The following FKBP8 variants were observed in gnomAD, a reference collection of about 807,000 sequenced individuals.
FKBP8 encodes the protein FKBP prolyl isomerase 8.
A neutral mutation model predicts 41.7 loss-of-function variants in FKBP8; 5 were observed. That is an observed-to-expected ratio of 0.12 (90% CI 0.06 to 0.25). The LOEUF (loss-of-function observed/expected upper bound fraction) is 0.25. FKBP8 is among the 10% of genes least tolerant of loss of function. The pLI, the probability that FKBP8 is intolerant of heterozygous loss-of-function variation, is 1.00. For missense variants in FKBP8, 397 were observed against 563.0 expected (o/e 0.71, Z 2.98); for synonymous variants, 279 against 254.5 (o/e 1.10, Z -0.92).
rs747732117 is a variant in FKBP8, at chr19:18,539,430, G to A, written c.492C>T (p.Asp164=). 5.0e-6 allele frequency: 8 copies of A among 1,613,660 alleles called. No individual in the cohort carries two copies. The African/African-American group carries it at 6.7e-5, about 13-fold the overall frequency. The change falls in exon 4 of 9, where the codon GAC becomes GAT. Residue 164 remains aspartate (D), a synonymous_variant. Coordinates refer to ENST00000608443, the MANE Select transcript of FKBP8 (RefSeq NM_012181.5). ...CAGTGACCATGGCCGTCTCCCCCAC[G>A]TCCATGAGTGGGACACTGAGATCCA... is the stretch of plus-strand genomic sequence containing the variant. ...QALDLSVPLM[D]VGETAMVTAD...
intron 6 of FKBP8, among the ~76,000 whole-genome samples, 173 bp from the exon 7 acceptor site, chr19:18,533,520 A>G (rs1375877330): frequency 6.6e-6 from 1 of 152,148 alleles, no homozygotes; most frequent in Non-Finnish European, 1.5e-5. Flanking sequence ...CCTGGCCAAC[A>G]TGGAGAAACC....
chr19:18,538,179 G>C lies in FKBP8; in HGVS notation c.772+37C>G. ...TTTCTGGCACGGAGTGGACACCTTT[G>C]CAGGGGAGATGGTGGAGATCTGACC... On this transcript the variant is annotated intron_variant, in intron 5 of 8. Coordinates refer to ENST00000608443, the MANE Select transcript of FKBP8 (RefSeq NM_012181.5). The surrounding 1 kb of genome is among the most constrained non-coding windows in gnomAD (Gnocchi z 4.0). The C allele has an allele frequency of 1.3e-6, 2 of 1,568,538 alleles. No individual in the cohort carries two copies. The highest frequency in any genetic ancestry group is 1.7e-6 in the Non-Finnish European group (2 of 1,149,952).
At chr19:18,536,977 T>C (rs1976594554) in intron 6 of FKBP8, among the ~76,000 whole-genome samples, 1 of 152,146 alleles carries the variant, frequency 6.6e-6, no homozygotes. Context: ...CCCCAAGGGC[T>C]GTGACTAGGA....
At chr19:18,540,490 T>G (rs1568411756) in intron 2 of FKBP8, among the ~76,000 whole-genome samples, 1 of 151,646 alleles carries the variant, frequency 6.6e-6, no homozygotes, top group Non-Finnish European at 1.5e-5. Flanking sequence ...CCCCAGCACT[T>G]TGGAAGGCTG....
chr19:18,531,990 T>C lies in FKBP8; in HGVS notation c.*179A>G. On this transcript the variant is annotated 3_prime_UTR_variant, in exon 9 of 9. Transcript: ENST00000608443. Reference sequence around the variant, plus strand: ...AATGAGGGCCCCCTCCCTCTGGGCTTTCCTCCTAGAGGGCCTCAGTCCCTC... The same window carrying C: ...AATGAGGGCCCCCTCCCTCTGGGCTCTCCTCCTAGAGGGCCTCAGTCCCTC... 4.9e-6 allele frequency: 3 copies of C among 612,178 alleles called. No homozygotes were observed. Among genetic ancestry groups the C allele is most frequent in the Non-Finnish European group, 8.9e-6 (3 of 338,346 alleles). 37.9% of individuals were successfully genotyped at this position (612,178 alleles called of 1,614,324 possible).
Position 18,532,272 on chromosome 19 carries a change from G to A in FKBP8, c.1156-17C>T. The A allele has an allele frequency of 6.3e-7, 1 of 1,587,806 alleles. No individual in the cohort carries two copies. The highest frequency in any genetic ancestry group is 8.6e-7 in the Non-Finnish European group (1 of 1,167,448). On this transcript the variant is annotated splice_polypyrimidine_tract_variant and intron_variant, in intron 8 of 8. Transcript: ENST00000608443. ...TGGGATGGACTGTGGATAAAAAGGA[G>A]GGGAGAGAAGGGTGGAGGGAGGTCA... is the stretch of plus-strand genomic sequence containing the variant.
chr19:18,543,152 C>T lies in FKBP8; in HGVS notation c.-26+334G>A, dbSNP rs894502112. On this transcript the variant is annotated intron_variant, in intron 1 of 8. Coordinates refer to ENST00000608443, the MANE Select transcript of FKBP8 (RefSeq NM_012181.5). ...AGCCCCGGCCGGGCCCTCAGTCAAG[C>T]CGCGACCCAGGCCCCCAACGACCCA... 7 of 280,016 alleles carry T rather than the reference C, an allele frequency of 2.5e-5. No homozygotes were observed. In the Admixed American group the frequency reaches 3.2e-4, roughly 13 times the overall value. The allele number at this position is 280,016 out of a possible 1,614,324, so 17.3% of individuals were successfully genotyped here.
intron 7 of FKBP8, 186 bp downstream of exon 7, chr19:18,533,084 G>C: frequency 1.5e-6 from 1 of 679,950 alleles, no homozygotes; most frequent in Non-Finnish European, 2.4e-6. Context: ...GGAGGAGTGA[G>C]AGCCCAGACT....
chr19:18,537,797 C>G lies in FKBP8; in HGVS notation c.773-24G>C. ...CACTATTGGGAGACAGTGCCCGCCA[C>G]GGCAGCCGTCACCATGCCACCAGAC... On this transcript the variant is annotated intron_variant, in intron 5 of 8. Transcript: ENST00000608443. This position sits in a 1 kb window ranked among gnomAD's most constrained non-coding sequence, Gnocchi z 4.4. 6.3e-7 allele frequency: 1 copy of G among 1,584,848 alleles called. No homozygotes were observed.
Position 18,541,841 on chromosome 19 carries a change from C to G in FKBP8, c.130G>C (p.Glu44Gln), listed in dbSNP as rs771709504. 6.2e-6 allele frequency: 10 copies of G among 1,613,186 alleles called. No individual in the cohort carries two copies. The highest frequency in any genetic ancestry group is 1.3e-5 in the African/African-American group (1 of 74,904). ...AGCTCACTCAGGTCATCCTCTTCCT[C>G]CTCTTCCTCCTCCTCTTCCTCCTCA... ...EGEEEEEEEE[E>Q]EEDDLSELPP... Residue 44 changes from glutamate to glutamine, a missense_variant, in exon 2 of 9, where the codon GAG becomes CAG. This residue lies in a region of FKBP8 where 172 missense variants were observed against 196.2 expected (regional missense o/e 0.88). Coordinates refer to ENST00000608443, the MANE Select transcript of FKBP8 (RefSeq NM_012181.5).
At chr19:18,542,038 C>A in intron 1 of FKBP8, 43 bp from the exon 2 acceptor site, 1 of 1,562,854 alleles carries the variant, frequency 6.4e-7, no homozygotes. Flanking sequence ...TCCTACACAG[C>A]CCCTCAAAGT....
chr19:18,532,727 C>T lies in FKBP8; in HGVS notation c.1092G>A (p.Leu364=). The T allele has an allele frequency of 1.9e-5, 30 of 1,614,162 alleles. No homozygotes were observed. The highest frequency in any genetic ancestry group is 2.5e-5 in the Non-Finnish European group (29 of 1,180,052). The change falls in exon 8 of 9, where the codon TTG becomes TTA. Residue 364 remains leucine, a synonymous_variant. Transcript: ENST00000608443. ...TGGGGTTGCCCAGCATTTTCCGGTA[C>T]AAGGCGGTCTCCGTGCTCCGCTGCG... ...HAAQRSTETA[L]YRKMLGNPSR...
chr19:18,533,375 C>G, intron 6 of FKBP8, 28 bp from the exon 7 acceptor site: 2 of 1,566,314 alleles, frequency 1.3e-6, no homozygotes, highest in South Asian at 2.3e-5. Context: ...TGGCATCACT[C>G]TGGACCCATA....
chr19:18,537,898 C>T lies in FKBP8; in HGVS notation c.773-125G>A. The T allele has an allele frequency of 1.9e-6, 2 of 1,047,320 alleles. No individual in the cohort carries two copies. Among genetic ancestry groups the T allele is most frequent in the South Asian group, 1.6e-5 (1 of 63,272 alleles). The allele number at this position is 1,047,320 out of a possible 1,614,324, so 64.9% of individuals were successfully genotyped here. A position where few individuals can be genotyped will look rare whatever the true frequency, so the allele number is the denominator to read the frequency against. On this transcript the variant is annotated intron_variant, in intron 5 of 8. Transcript: ENST00000608443. The surrounding 1 kb of genome is among the most constrained non-coding windows in gnomAD (Gnocchi z 4.4). ...CCAATTTTAACCCCGGACCAAGGGC[C>T]ACGCTTTCCTGGGGCTCTCCTGAGG...
rs1056648648 is a variant in FKBP8, at chr19:18,538,609, C to T, written c.552-173G>A. 1.3e-5 allele frequency among the ~76,000 whole-genome samples: 2 copies of T among 152,080 alleles called. No individual in the cohort carries two copies. The highest frequency in any genetic ancestry group is 2.9e-5 in the Non-Finnish European group (2 of 68,004). ...GAAGTGACTTGCCGCCTTGGAGCTG[C>T]GGGACTTGACGAACGAGTTCCCCTC... On this transcript the variant is annotated intron_variant, in intron 4 of 8. Transcript: ENST00000608443. The surrounding 1 kb of genome is among the most constrained non-coding windows in gnomAD (Gnocchi z 4.0).
chr19:18,532,911 C>A, intron 7 of FKBP8, 116 bp from the exon 8 acceptor site: 1 of 1,485,888 alleles, frequency 6.7e-7, no homozygotes, highest in Non-Finnish European at 9.0e-7. Flanking sequence ...CACAGGGGTC[C>A]CATCTGCCCC....
chr19:18,541,966 G>A lies in FKBP8; in HGVS notation c.5C>T (p.Ala2Val). The change falls in exon 2 of 9, where the codon GCA (alanine) becomes GTA (valine). Residue 2 changes from alanine (A) to valine (V), a missense_variant. Coordinates refer to ENST00000608443, the MANE Select transcript of FKBP8 (RefSeq NM_012181.5). Reference sequence around the variant, plus strand: ...GGGCTCAGAGGGTTCAGCACACGATGCCATGCTGCTGGGGGGACAGGAATT... The same window carrying A: ...GGGCTCAGAGGGTTCAGCACACGATACCATGCTGCTGGGGGGACAGGAATT... M[A>V]SCAEPSEPSA... 6.2e-7 allele frequency: 1 copy of A among 1,613,100 alleles called. No individual in the cohort carries two copies.
Position 18,532,771 on chromosome 19 carries a change from G to A in FKBP8, c.1048C>T (p.Leu350=), listed in dbSNP as rs2145182702. The change falls in exon 8 of 9, where the codon CTG becomes TTG. Residue 350 remains leucine, a synonymous_variant. Transcript: ENST00000608443. ...NKTIHAELSK[L]VKKHAAQRST... is the part of the protein sequence containing the mutation. Reference sequence around the variant, plus strand: ...CGCTGCGCCGCATGCTTCTTCACCAGCTTTGAGAGCTCTGCGTGGATCGTC... The same window carrying A: ...CGCTGCGCCGCATGCTTCTTCACCAACTTTGAGAGCTCTGCGTGGATCGTC... The A allele has an allele frequency of 6.2e-7, 1 of 1,614,068 alleles. No individual in the cohort carries two copies. The highest frequency in any genetic ancestry group is 8.5e-7 in the Non-Finnish European group (1 of 1,180,042).
intron 4 of FKBP8, 50 bp downstream of exon 4, chr19:18,539,321 C>A: frequency 6.6e-7 from 1 of 1,515,374 alleles, no homozygotes; most frequent in Non-Finnish European, 9.1e-7. Context: ...ACCCACTCCA[C>A]CCATCCCCCT....
Sources: gnomAD v4.1 joint callset for allele counts (sites outside exome capture counted in the v4.1 genomes callset) on GRCh38, gnomAD v4.1.1 for gene constraint, gnomAD v4.1.1 regional missense constraint, Gnocchi (gnomAD v3.1) non-coding constraint, MANE v1.5 for transcripts, NCBI Gene and HGNC (gene_info 2026-07-23, HGNC 2026-07-21) for gene names.